MOK: variants seen among roughly 807,000 people sequenced by gnomAD.
The protein encoded by MOK is MAPK/MAK/MRK overlapping kinase.
In MOK, 59 loss-of-function variants were observed where a neutral mutation model predicts 54.2. The ratio of observed to expected loss-of-function variants is 1.09; its 90% CI spans 0.88 to 1.35. The LOEUF (loss-of-function observed/expected upper bound fraction) is 1.35. MOK is among the 40% of genes most tolerant of loss of function. The pLI is 0.00. For synonymous variants in MOK, 210 were observed against 202.7 expected, an observed-to-expected ratio of 1.04 and a Z score of -0.31; for missense variants, 517 against 526.2, an observed-to-expected ratio of 0.98 and a Z score of 0.17.
chr14:102,250,873 C>G lies in MOK; in HGVS notation c.529G>C (p.Gly177Arg), dbSNP rs2066473580. Residue 177 changes from glycine (G) to arginine (R), a missense_variant, in exon 7 of 12, where the codon GGG becomes CGG. By Grantham distance (125) the Gly-to-Arg change is moderately radical. Transcript: ENST00000361847. ...YRAPECLLTD[G>R]FYTYKMDLWS... ...AGGTCCATCTTGTACGTGTAGAACCCATCAGTGAGGAGACACTCCGGGGCC... is the reference window on the plus strand; with the variant it reads ...AGGTCCATCTTGTACGTGTAGAACCGATCAGTGAGGAGACACTCCGGGGCC... The G allele has an allele frequency of 2.5e-6, 4 of 1,613,938 alleles. No homozygotes were observed. The African/African-American group carries it at 5.3e-5, about 22-fold the overall frequency.
intron 7 of MOK, among the ~76,000 whole-genome samples, chr14:102,243,469 T>C (rs920339529): frequency 6.6e-6 from 1 of 152,196 alleles, no homozygotes; most frequent in Non-Finnish European, 1.5e-5. Flanking sequence ...GGCCATCATG[T>C]CTCTGTGTGG....
intron 4 of MOK, among the ~76,000 whole-genome samples, chr14:102,261,446 T>A (rs1317048536): frequency 2.9e-5 from 3 of 105,244 alleles, no homozygotes; most frequent in East Asian, 5.7e-4. Context: ...TATATATATA[T>A]ATATATATAT....
In MOK at chr14:102,238,726, T is replaced by C. The variant is rs1247903226; in HGVS notation, c.591-4937A>G. On this transcript the variant is annotated intron_variant, in intron 7 of 11. Coordinates refer to ENST00000361847, the MANE Select transcript of MOK (RefSeq NM_014226.3). This position sits in a 1 kb window ranked among gnomAD's most constrained non-coding sequence, Gnocchi z 4.8. ...GCCAAACCGACAAAATCCTGACATCTCTCCACCAATCCTTCCATATTGGTG... is the reference window on the plus strand; with the variant it reads ...GCCAAACCGACAAAATCCTGACATCCCTCCACCAATCCTTCCATATTGGTG... Among the ~76,000 whole-genome samples, 2 of 152,062 alleles carry C rather than the reference T, an allele frequency of 1.3e-5. No individual in the cohort carries two copies.
At chr14:102,263,766 T>G in intron 3 of MOK, 150 bp from the exon 4 acceptor site, 1 of 465,730 alleles carries the variant, frequency 2.1e-6, no homozygotes, top group African/African-American at 2.0e-5. Context: ...AGTAAAGGTT[T>G]TGATTTTAAA....
intron 4 of MOK, among the ~76,000 whole-genome samples, chr14:102,253,526 C>T (rs770716739): frequency 6.6e-6 from 1 of 152,230 alleles, no homozygotes; most frequent in Non-Finnish European, 1.5e-5. Flanking sequence ...GATCACAGTT[C>T]AAGAAGCAGT....
At chr14:102,283,174 T>C in intron 2 of MOK, 1 of 210,922 alleles carries the variant, frequency 4.7e-6, no homozygotes, top group Non-Finnish European at 9.1e-6. Context: ...TTTTTTTTAA[T>C]TAAAAAAAAA....
chr14:102,271,216 A>C (rs2068326394), intron 2 of MOK, among the ~76,000 whole-genome samples: 1 of 152,228 alleles, frequency 6.6e-6, no homozygotes, highest in Non-Finnish European at 1.5e-5. Flanking sequence ...TCCTTCAATA[A>C]AGCTTTTAAA....
At chr14:102,227,825 T>C (rs982836605), downstream of MOK, among the ~76,000 whole-genome samples, 1 of 152,138 alleles carries the variant, frequency 6.6e-6, no homozygotes, top group Non-Finnish European at 1.5e-5. Context: ...TCGTGTCAGG[T>C]GGCCTGGGGC....
At chr14:102,254,248 G>A (rs1344161179) in intron 4 of MOK, among the ~76,000 whole-genome samples, 1 of 152,094 alleles carries the variant, frequency 6.6e-6, no homozygotes, top group Admixed American at 6.6e-5. Context: ...TCGGCCTCCC[G>A]AAGTGCTGGG....
In MOK at chr14:102,240,203, C is replaced by G. The variant is rs988103275; in HGVS notation, c.591-6414G>C. Among the ~76,000 whole-genome samples, 1 of 152,214 alleles carries G rather than the reference C, an allele frequency of 6.6e-6. No individual in the cohort carries two copies. The highest frequency in any genetic ancestry group is 1.5e-5 in the Non-Finnish European group (1 of 68,044). ...ACCCAAATCCTATAAAACGACCCAC[C>G]CCTATCTCCCTTTGCTGACTCTGTT... On this transcript the variant is annotated intron_variant, in intron 7 of 11. Transcript: ENST00000361847. The surrounding 1 kb of genome is among the most constrained non-coding windows in gnomAD (Gnocchi z 5.4).
At chr14:102,247,945 T>C (rs1433203518) in intron 7 of MOK, among the ~76,000 whole-genome samples, 1 of 152,216 alleles carries the variant, frequency 6.6e-6, no homozygotes, top group Non-Finnish European at 1.5e-5. Context: ...ATTCAGCCCT[T>C]GTCTCCTACG....
At chr14:102,279,240 T>G (rs2069171151) in intron 2 of MOK, among the ~76,000 whole-genome samples, 1 of 152,184 alleles carries the variant, frequency 6.6e-6, no homozygotes, top group Non-Finnish European at 1.5e-5. Flanking sequence ...CCATTTCTTC[T>G]ATTTCTATAG....
Position 102,229,222 on chromosome 14 carries a change from G to A in MOK, c.*67C>T. 1 of 1,468,108 alleles carries A rather than the reference G, an allele frequency of 6.8e-7. No homozygotes were observed. The highest frequency in any genetic ancestry group is 1.3e-5 in the South Asian group (1 of 75,348). The allele number at this position is 1,468,108 out of a possible 1,614,324, so 90.9% of individuals were successfully genotyped here. A position where few individuals can be genotyped will look rare whatever the true frequency, so the allele number is the denominator to read the frequency against. ...AGCCCTCCGTGGCGTCTCAGCAGCA[G>A]ATCACCCAGGCCTGGCCCGGTCGGG... On this transcript the variant is annotated 3_prime_UTR_variant, in exon 12 of 12. Coordinates refer to ENST00000361847, the MANE Select transcript of MOK (RefSeq NM_014226.3).
chr14:102,234,874 C>G (rs1167463601), intron 7 of MOK: 1 of 152,182 alleles, frequency 6.6e-6, no homozygotes, highest in Non-Finnish European at 1.5e-5. Flanking sequence ...TTCAGGCTTT[C>G]TTTACTCTCT....
At chr14:102,248,574 C>T (rs1234094487) in intron 7 of MOK, among the ~76,000 whole-genome samples, 1 of 151,928 alleles carries the variant, frequency 6.6e-6, no homozygotes, top group Non-Finnish European at 1.5e-5. Context: ...GTCAGGAGAT[C>T]AAGACCATCC....
At chr14:102,251,168 G>GTCT (rs1410033906) in intron 6 of MOK, among the ~76,000 whole-genome samples, 178 bp from the exon 7 acceptor site, 2 of 152,234 alleles carry the variant, frequency 1.3e-5, no homozygotes, top group Non-Finnish European at 2.9e-5. Context: ...AGGAAGTGAT[G>GTCT]TCTATTCAGT....
intron 7 of MOK, among the ~76,000 whole-genome samples, chr14:102,248,646 C>T (rs1416277116): frequency 6.6e-6 from 1 of 151,866 alleles, no homozygotes; most frequent in Non-Finnish European, 1.5e-5. Context: ...GGCGTGCTGG[C>T]GGGTGCCTGT....
chr14:102,242,649 C>T (rs1251779985), intron 7 of MOK, among the ~76,000 whole-genome samples: 1 of 152,204 alleles, frequency 6.6e-6, no homozygotes, highest in East Asian at 1.9e-4. Context: ...TTATCACTCA[C>T]CTGTTACAGC....
Position 102,232,292 on chromosome 14 carries a change from A to T in MOK, c.866+243T>A. On this transcript the variant is annotated intron_variant, in intron 9 of 11. Coordinates refer to ENST00000361847, the MANE Select transcript of MOK (RefSeq NM_014226.3). This position sits in a 1 kb window ranked among gnomAD's most constrained non-coding sequence, Gnocchi z 5.1. ...TACCTGTAGCCTTGGCATCAACCGC[A>T]AAGTGGACAGCCAGCCCCTCTTTCT... is the stretch of plus-strand genomic sequence containing the variant. The T allele has an allele frequency of 2.2e-6, 1 of 457,686 alleles. No homozygotes were observed. Among genetic ancestry groups the T allele is most frequent in the East Asian group, 3.4e-5 (1 of 29,154 alleles). 28.4% of individuals were successfully genotyped at this position (457,686 alleles called of 1,614,324 possible).
Sources: allele counts gnomAD v4.1 joint callset (sites outside exome capture counted in the v4.1 genomes callset), GRCh38; gene constraint gnomAD v4.1.1; non-coding constraint Gnocchi (gnomAD v3.1); transcripts MANE v1.5; gene names NCBI Gene and HGNC (gene_info 2026-07-23, HGNC 2026-07-21).